DENND5B: variants seen among roughly 807,000 people sequenced by gnomAD.
DENND5B encodes the protein DENN domain-containing protein 5B.
DENND5B carries 34 observed loss-of-function variants against 140.6 expected under a neutral mutation model. The observed-to-expected ratio is 0.24, with a 90% CI of 0.18 to 0.32. The LOEUF is 0.32. DENND5B is among the 10% of genes least tolerant of loss of function. The pLI is 1.00. For synonymous variants in DENND5B, 551 were observed against 562.1 expected, an observed-to-expected ratio of 0.98 and a Z score of 0.28; for missense variants, 1,142 against 1,560.2, an observed-to-expected ratio of 0.73 and a Z score of 4.52.
At chr12:31,510,121 T>C (rs1947354464) in intron 1 of DENND5B, among the ~76,000 whole-genome samples, 1 of 152,134 alleles carries the variant, frequency 6.6e-6, no homozygotes, top group African/African-American at 2.4e-5. Context: ...CTGTAATAAT[T>C]TTCTATTGCC....
chr12:31,551,513 T>C (rs1329393884), intron 1 of DENND5B, among the ~76,000 whole-genome samples: 2 of 152,220 alleles, frequency 1.3e-5, no homozygotes, highest in Non-Finnish European at 2.9e-5. Context: ...TCCAGCTTTG[T>C]TCTTTTGGCT....
rs765816347 is a variant in DENND5B at position 31,442,849 on chromosome 12, A to C, written c.1938T>G (p.Gly646=). The C allele has an allele frequency of 6.2e-7, 1 of 1,612,944 alleles. No individual in the cohort carries two copies. The highest frequency in any genetic ancestry group is 8.5e-7 in the Non-Finnish European group (1 of 1,179,572). The change falls in exon 7 of 21, where the codon GGT becomes GGG. Residue 646 remains glycine (G), a synonymous_variant. Coordinates refer to ENST00000389082, the MANE Select transcript of DENND5B (RefSeq NM_144973.4). ...AGAACCCCTGCTCATATTTGCCTTGACCAATTTTCATATCAAGTAGATGTG... is the reference window on the plus strand; with the variant it reads ...AGAACCCCTGCTCATATTTGCCTTGCCCAATTTTCATATCAAGTAGATGTG... ...IHPHLLDMKI[G]QGKYEQGFFP... is the part of the protein sequence containing the mutation.
chr12:31,542,574 G>A (rs1948717175), intron 1 of DENND5B, among the ~76,000 whole-genome samples: 1 of 152,014 alleles, frequency 6.6e-6, no homozygotes, highest in Non-Finnish European at 1.5e-5. Flanking sequence ...TTCCATGATG[G>A]GATTATTATG....
At chr12:31,425,770 A>T (rs1593132345) in intron 9 of DENND5B, among the ~76,000 whole-genome samples, 1 of 152,176 alleles carries the variant, frequency 6.6e-6, no homozygotes, top group African/African-American at 2.4e-5. Flanking sequence ...TCAAATAAAT[A>T]AATAAAATCA....
At chr12:31,393,011 G>A (rs1718308469) in intron 17 of DENND5B, among the ~76,000 whole-genome samples, 1 of 152,182 alleles carries the variant, frequency 6.6e-6, no homozygotes, top group Non-Finnish European at 1.5e-5. Context: ...ACGCCTCACT[G>A]GGAAAACTGG....
At position 31,479,602 on chromosome 12, in the gene DENND5B, A is replaced by G. The variant is rs1179335668; in HGVS notation, c.891T>C (p.Leu297=). The G allele has an allele frequency of 6.7e-7, 1 of 1,494,580 alleles. No individual in the cohort carries two copies. The highest frequency in any genetic ancestry group is 8.9e-7 in the Non-Finnish European group (1 of 1,123,408). 92.6% of individuals were successfully genotyped at this position (1,494,580 alleles called of 1,614,324 possible). A position where few individuals can be genotyped will look rare whatever the true frequency, so the allele number is the denominator to read the frequency against. The change falls in exon 3 of 21, where the codon CTT becomes CTC. Residue 297 remains leucine (L), a synonymous_variant. Coordinates refer to ENST00000389082, the MANE Select transcript of DENND5B (RefSeq NM_144973.4). ...FTCVLLEMQI[L]LYSQDYQRLM... is the part of the protein sequence containing the mutation. ...AGGAAAACCTACCTTGTGAGTAGAG[A>G]AGGATTTGCATCTCTAAAAGAACAC...
intron 4 of DENND5B, among the ~76,000 whole-genome samples, chr12:31,453,515 A>G (rs1038256196): frequency 1.3e-5 from 2 of 152,192 alleles, no homozygotes; most frequent in African/African-American, 4.8e-5. Context: ...TTGTTAGTTA[A>G]AAAGAAGGTT....
Position 31,480,157 on chromosome 12 carries a change from G to C in DENND5B, c.336C>G (p.Thr112=). The C allele has an allele frequency of 6.2e-7, 1 of 1,607,370 alleles. No homozygotes were observed. The highest frequency in any genetic ancestry group is 8.5e-7 in the Non-Finnish European group (1 of 1,176,646). The change falls in exon 3 of 21, where the codon ACC becomes ACG. Residue 112 remains threonine, a synonymous_variant. Coordinates refer to ENST00000389082, the MANE Select transcript of DENND5B (RefSeq NM_144973.4). The part of the protein sequence containing the change: ...FIITREDGSR[T]YGFVLTFYEE... The stretch of plus-strand genomic sequence containing the variant: ...CATAAAAAGTGAGAACAAAACCATA[G>C]GTGCGAGAACCATCTTCCCTGGTAA...
rs34493162 is a variant in DENND5B at position 31,452,160 on chromosome 12, T to C, written c.1409A>G (p.Lys470Arg). Residue 470 changes from lysine to arginine, a missense_variant, in exon 5 of 21, where the codon AAA becomes AGA. Lys to Arg is a conservative substitution (Grantham distance 26). Transcript: ENST00000389082. ...LAKRTGVAVEKMDLSASLGEK... is the reference protein window; with the variant it reads ...LAKRTGVAVERMDLSASLGEK... ...ACCCAGAGAAGCAGAGAGGTCCATT[T>C]TTTCCACAGCCACACCAGTACGCTT... is the stretch of plus-strand genomic sequence containing the variant. 982 of 1,613,994 alleles carry C rather than the reference T, an allele frequency of 6.1e-4. 7 individuals carry two copies. In the African/African-American group the frequency reaches 0.011, roughly 17 times the overall value.
intron 3 of DENND5B, among the ~76,000 whole-genome samples, chr12:31,475,410 A>G (rs1171156235): frequency 2.6e-5 from 4 of 152,168 alleles, no homozygotes; most frequent in Non-Finnish European, 2.9e-5. Flanking sequence ...ACTGAAATAA[A>G]TTGGTAGATA....
At chr12:31,582,120 C>T (rs1377942290) in intron 1 of DENND5B, among the ~76,000 whole-genome samples, 1 of 152,210 alleles carries the variant, frequency 6.6e-6, no homozygotes, top group Non-Finnish European at 1.5e-5. Context: ...GGAACCCACA[C>T]ACATGGAGGG....
At chr12:31,521,313 CT>C (rs10718996) in intron 1 of DENND5B, among the ~76,000 whole-genome samples, 60,310 of 147,600 alleles carry the variant, frequency 0.41, 12,535 homozygotes, top group East Asian at 0.57. Context: ...TACAAAAAAA[CT>C]TTTTTTTTTT....
chr12:31,400,259 T>C (rs1478777281), intron 15 of DENND5B, among the ~76,000 whole-genome samples: 1 of 152,186 alleles, frequency 6.6e-6, no homozygotes, highest in Non-Finnish European at 1.5e-5. Context: ...ACACAGTAGG[T>C]ATATATATTT....
intron 7 of DENND5B, 93 bp downstream of exon 7, chr12:31,442,682 G>T: frequency 7.5e-7 from 1 of 1,333,120 alleles, no homozygotes. Context: ...TCAGATAGAT[G>T]TTTAATAGTT....
At chr12:31,470,871 G>A (rs1455477771) in intron 3 of DENND5B, among the ~76,000 whole-genome samples, 1 of 152,138 alleles carries the variant, frequency 6.6e-6, no homozygotes, top group African/African-American at 2.4e-5. Context: ...GGGGAATTAG[G>A]AACCTTTAAT....
intron 1 of DENND5B, among the ~76,000 whole-genome samples, chr12:31,504,609 A>T (rs1166372091): frequency 6.6e-6 from 1 of 152,034 alleles, no homozygotes; most frequent in African/African-American, 2.4e-5. Context: ...TCCTCCCTAA[A>T]CCTTCCCACT....
At chr12:31,411,878 G>A (rs1401565403) in intron 13 of DENND5B, among the ~76,000 whole-genome samples, 1 of 152,144 alleles carries the variant, frequency 6.6e-6, no homozygotes, top group Non-Finnish European at 1.5e-5. Context: ...TGAATTCTCT[G>A]CCTAACTTTG....
chr12:31,426,920 TA>T (rs1422002617), intron 8 of DENND5B, among the ~76,000 whole-genome samples: 2 of 152,200 alleles, frequency 1.3e-5, no homozygotes. Flanking sequence ...GTCACAACAG[TA>T]AAATCAGGAG....
At chr12:31,467,370 A>G (rs1283127266) in intron 3 of DENND5B, among the ~76,000 whole-genome samples, 1 of 152,158 alleles carries the variant, frequency 6.6e-6, no homozygotes, top group East Asian at 1.9e-4. Context: ...CACACCTATA[A>G]TCCCAGCACT....
Sources: allele counts gnomAD v4.1 joint callset (sites outside exome capture counted in the v4.1 genomes callset), GRCh38; gene constraint gnomAD v4.1.1; transcripts MANE v1.5; gene names NCBI Gene and HGNC (gene_info 2026-07-23, HGNC 2026-07-21).